Variants in SFT2D1 observed in about 807,000 individuals in gnomAD.
SFT2D1 encodes SFT2 domain containing 1, also known as vesicle transport protein SFT2A.
Under a neutral mutation model 28.1 loss-of-function variants are expected in SFT2D1, and 24 were observed. That is an observed-to-expected ratio of 0.85 (90% CI 0.62 to 1.20). SFT2D1 has a LOEUF of 1.20. SFT2D1 is among the 50% of genes most tolerant of loss of function. The probability of loss-of-function intolerance (pLI) is 0.00; values close to 1 mark genes in which losing one functional copy is unlikely to be tolerated. For missense variants in SFT2D1, 181 were observed against 190.9 expected (o/e 0.95, Z 0.31); for synonymous variants, 82 against 73.7 (o/e 1.11, Z -0.58).
intron 4 of SFT2D1, among the ~76,000 whole-genome samples, chr6:166,327,864 G>C (rs1370615443): frequency 6.6e-6 from 1 of 152,088 alleles, no homozygotes; most frequent in Non-Finnish European, 1.5e-5. Flanking sequence ...GCAATGGTGT[G>C]ATCTTGGCTC....
At chr6:166,325,860 C>T (rs1164618280) in intron 5 of SFT2D1, 4 of 535,880 alleles carry the variant, frequency 7.5e-6, no homozygotes, top group Non-Finnish European at 1.3e-5. Flanking sequence ...ATGCTGCAGA[C>T]AGTAGAATCT....
intron 1 of SFT2D1, among the ~76,000 whole-genome samples, chr6:166,332,509 T>A (rs191945695): frequency 1.1e-3 from 168 of 152,192 alleles, no homozygotes; most frequent in African/African-American, 3.8e-3. Context: ...CCCGCCTCGG[T>A]CTCCCAAAGT....
intron 4 of SFT2D1, among the ~76,000 whole-genome samples, chr6:166,327,329 A>T (rs1562443105): frequency 6.6e-6 from 1 of 152,178 alleles, no homozygotes; most frequent in Non-Finnish European, 1.5e-5. Context: ...CAATACACAA[A>T]ACGATGATCA....
chr6:166,330,242 C>G lies in SFT2D1; in HGVS notation c.69G>C (p.Leu23=). ...DEEQGLTAQV[L]DASSLSFNTR... ...TGTTGAAACTAAGGGATGAGGCATC[C>G]AGGACCTTAATAAAAAATGGGAAAA... The change falls in exon 2 of 8, where the codon CTG becomes CTC. Residue 23 remains leucine (L), a synonymous_variant. Transcript: ENST00000361731. 6.3e-7 allele frequency: 1 copy of G among 1,596,550 alleles called. No homozygotes were observed.
At chr6:166,341,605 CAAGG>C (rs1265443125) in intron 1 of SFT2D1, among the ~76,000 whole-genome samples, 1 of 152,112 alleles carries the variant, frequency 6.6e-6, no homozygotes, top group Non-Finnish European at 1.5e-5. Context: ...AGTATAATGA[CAAGG>C]AAGTCAGGAG....
chr6:166,328,408 G>T, intron 3 of SFT2D1, 51 bp from the exon 4 acceptor site: 2 of 1,072,244 alleles, frequency 1.9e-6, no homozygotes, highest in South Asian at 1.9e-5. Context: ...AATTTATCTG[G>T]TTATGCAAAA....
chr6:166,320,758 C>A (rs1390968074), intron 7 of SFT2D1, among the ~76,000 whole-genome samples: 1 of 151,840 alleles, frequency 6.6e-6, no homozygotes, highest in Non-Finnish European at 1.5e-5. Context: ...CTCAAGCCAT[C>A]CACCCGTCTC....
rs978372889 is a variant in SFT2D1, at chr6:166,342,329, C to T, written c.63+90G>A. The T allele has an allele frequency of 1.5e-5, 19 of 1,258,162 alleles. 1 individual carries two copies. The African/African-American group carries it at 2.8e-4, about 18-fold the overall frequency. The allele number at this position is 1,258,162 out of a possible 1,614,324, so 77.9% of individuals were successfully genotyped here. On this transcript the variant is annotated intron_variant, in intron 1 of 7. Transcript: ENST00000361731. ...GGCAGAGGAGTCCCAGACCCCCGGC[C>T]TCGCACCCACCCCACCCGCTCGGCC...
intron 7 of SFT2D1, among the ~76,000 whole-genome samples, chr6:166,322,501 C>T (rs776137855): frequency 6.6e-6 from 1 of 151,690 alleles, no homozygotes; most frequent in Non-Finnish European, 1.5e-5. Flanking sequence ...ACCATCCTGG[C>T]CAACATGGTG....
intron 7 of SFT2D1, among the ~76,000 whole-genome samples, chr6:166,320,919 C>A (rs1778342205): frequency 6.6e-6 from 1 of 152,226 alleles, no homozygotes; most frequent in Admixed American, 6.5e-5. Flanking sequence ...GCCTGGCCAA[C>A]ATGGTGAAAC....
Position 166,324,555 on chromosome 6 carries a change from T to G in SFT2D1, c.392A>C (p.Gln131Pro). The G allele has an allele frequency of 6.2e-7, 1 of 1,612,750 alleles. No individual in the cohort carries two copies. Among genetic ancestry groups the G allele is most frequent in the Non-Finnish European group, 8.5e-7 (1 of 1,179,762 alleles). Residue 131 changes from glutamine to proline, a missense_variant, in exon 6 of 8, where the codon CAG becomes CCG. Physicochemically the swap from Gln to Pro is moderately conservative, Grantham distance 76 (BLOSUM62 -1). Coordinates refer to ENST00000361731, the MANE Select transcript of SFT2D1 (RefSeq NM_145169.3). Reference sequence around the variant, plus strand: ...GACTTACCAGGTCATTGACAAGAACTGCAATATGCAGAATAACACAGCCAG... The same window carrying G: ...GACTTACCAGGTCATTGACAAGAACGGCAATATGCAGAATAACACAGCCAG... ...KGLAVLFCIL[Q>P]FLSMTWYSLS... is the part of the protein sequence containing the mutation.
At chr6:166,324,361 T>C (rs2114892038) in intron 6 of SFT2D1, 176 bp downstream of exon 6, 1 of 555,492 alleles carries the variant, frequency 1.8e-6, no homozygotes, top group African/African-American at 1.9e-5. Context: ...ACAGTACCAC[T>C]GAGCCACGCT....
chr6:166,330,080 G>T, intron 2 of SFT2D1, 81 bp downstream of exon 2: 2 of 1,071,412 alleles, frequency 1.9e-6, no homozygotes, highest in Non-Finnish European at 2.6e-6. Flanking sequence ...TTTAGTAAAG[G>T]ACATTAGTTT....
At chr6:166,329,114 A>T (rs1778503981) in intron 3 of SFT2D1, among the ~76,000 whole-genome samples, 1 of 152,008 alleles carries the variant, frequency 6.6e-6, no homozygotes, top group South Asian at 2.1e-4. Context: ...CCGGATTCCC[A>T]CTGCCTGCAG....
At chr6:166,332,178 T>C (rs995304468) in intron 1 of SFT2D1, among the ~76,000 whole-genome samples, 2 of 152,258 alleles carry the variant, frequency 1.3e-5, no homozygotes, top group Non-Finnish European at 2.9e-5. Flanking sequence ...TCCTGACTCC[T>C]AATTGGGAAA....
chr6:166,328,203 C>A, intron 4 of SFT2D1, 73 bp downstream of exon 4: 1 of 803,908 alleles, frequency 1.2e-6, no homozygotes, highest in South Asian at 2.3e-5. Flanking sequence ...ACATACATAA[C>A]AGGCAATTAT....
At position 166,319,806 on chromosome 6, in the gene SFT2D1, T is replaced by C. The variant is rs938583068; in HGVS notation, c.*411A>G. 13 of 152,472 alleles carry C rather than the reference T, an allele frequency of 8.5e-5. No homozygotes were observed. Among genetic ancestry groups the C allele is most frequent in the African/African-American group, 2.9e-4 (12 of 41,218 alleles). 9.4% of individuals were successfully genotyped at this position (152,472 alleles called of 1,614,324 possible). On this transcript the variant is annotated 3_prime_UTR_variant, in exon 8 of 8. Transcript: ENST00000361731. ...TTTATTACATATAATAAGCAATTTT[T>C]AGCTTAAAATAAGTTTCACATTTAA...
At chr6:166,340,715 T>G (rs1778762005) in intron 1 of SFT2D1, among the ~76,000 whole-genome samples, 1 of 87,584 alleles carries the variant, frequency 1.1e-5, no homozygotes, top group Non-Finnish European at 2.5e-5. Flanking sequence ...ACACATTATA[T>G]ACTTGTTTAT....
chr6:166,327,060 A>C (rs940546953), intron 4 of SFT2D1, among the ~76,000 whole-genome samples: 1 of 152,224 alleles, frequency 6.6e-6, no homozygotes, highest in African/African-American at 2.4e-5. Context: ...ATAATAAATA[A>C]AGCTAAAAAT....
Sources: gnomAD v4.1 joint callset for allele counts (sites outside exome capture counted in the v4.1 genomes callset) on GRCh38, gnomAD v4.1.1 for gene constraint, MANE v1.5 for transcripts, NCBI Gene and HGNC (gene_info 2026-07-23, HGNC 2026-07-21) for gene names.